The following CNTNAP2 variants were observed in gnomAD, a reference collection of about 807,000 sequenced individuals.
The protein encoded by CNTNAP2 is contactin associated protein 2.
CNTNAP2 carries 98 observed loss-of-function variants against 155.2 expected under a neutral mutation model. The observed-to-expected ratio is 0.63, with a 90% CI of 0.54 to 0.75. CNTNAP2 has a LOEUF of 0.75. CNTNAP2 is among the 30% of genes least tolerant of loss of function. The pLI, the probability that CNTNAP2 is intolerant of heterozygous loss-of-function variation, is 0.00. For synonymous variants in CNTNAP2, 651 were observed against 631.2 expected, an observed-to-expected ratio of 1.03 and a Z score of -0.47; for missense variants, 1,727 against 1,688.1, an observed-to-expected ratio of 1.02 and a Z score of -0.40.
chr7:146,886,194 G>A (rs547632164), intron 3 of CNTNAP2, among the ~76,000 whole-genome samples: 27 of 148,576 alleles, frequency 1.8e-4, no homozygotes, highest in African/African-American at 6.7e-4. Flanking sequence ...GTTTTATTTT[G>A]GTAATTACTT....
chr7:148,001,106 A>G (rs962850598), intron 15 of CNTNAP2, among the ~76,000 whole-genome samples: 7 of 152,196 alleles, frequency 4.6e-5, no homozygotes, highest in African/African-American at 1.4e-4. Context: ...CCTTAGCTTA[A>G]TTACATCTGC....
At chr7:146,831,956 G>A (rs182093047) in intron 2 of CNTNAP2, among the ~76,000 whole-genome samples, 1 of 152,002 alleles carries the variant, frequency 6.6e-6, no homozygotes, top group East Asian at 1.9e-4. Flanking sequence ...TTAATTTATC[G>A]ATATTTTAGG....
intron 1 of CNTNAP2, among the ~76,000 whole-genome samples, chr7:146,593,421 G>A (rs1017340228): frequency 3.3e-5 from 5 of 151,976 alleles, no homozygotes; most frequent in East Asian, 1.9e-4. Context: ...AGAGAAACAC[G>A]TATAAATGTA....
chr7:148,197,758 G>A (rs952144475), intron 18 of CNTNAP2, among the ~76,000 whole-genome samples: 6 of 152,166 alleles, frequency 3.9e-5, no homozygotes, highest in African/African-American at 1.2e-4. Context: ...GATCATCATC[G>A]TGTTGCTAAA....
chr7:147,428,767 T>C (rs1797421291), intron 10 of CNTNAP2, among the ~76,000 whole-genome samples: 1 of 152,128 alleles, frequency 6.6e-6, no homozygotes, highest in African/African-American at 2.4e-5. Flanking sequence ...CTTCTAAGGT[T>C]GTGATTTTGT....
chr7:148,283,254 AAAAAGAAAGAAAGAAAG>A (rs1279920936), intron 21 of CNTNAP2, among the ~76,000 whole-genome samples: 1 of 64,042 alleles, frequency 1.6e-5, no homozygotes, highest in African/African-American at 5.7e-5. Flanking sequence ...AAAAAAAAAA[AAAAAGAAAGAAAGAAAG>A]AAAGAAAGAA....
chr7:147,279,768 T>C (rs1172171929), intron 8 of CNTNAP2, among the ~76,000 whole-genome samples: 1 of 151,888 alleles, frequency 6.6e-6, no homozygotes, highest in Non-Finnish European at 1.5e-5. Context: ...CTTGAACCAA[T>C]GTAAACGCTA....
intron 13 of CNTNAP2, among the ~76,000 whole-genome samples, chr7:147,816,498 T>C (rs1255821141): frequency 1.3e-5 from 2 of 152,154 alleles, no homozygotes; most frequent in African/African-American, 2.4e-5. Context: ...GATTTGAGAT[T>C]GGAATTATTC....
At chr7:146,260,109 C>T (rs545126912) in intron 1 of CNTNAP2, among the ~76,000 whole-genome samples, 1 of 152,168 alleles carries the variant, frequency 6.6e-6, no homozygotes, top group African/African-American at 2.4e-5. Flanking sequence ...GGTGCAAGCC[C>T]CAAGCCTTGG....
At chr7:148,208,766 C>T (rs2116741981) in intron 18 of CNTNAP2, among the ~76,000 whole-genome samples, 1 of 152,252 alleles carries the variant, frequency 6.6e-6, no homozygotes, top group East Asian at 1.9e-4. Flanking sequence ...TTGGGAAAAT[C>T]TAACTGGACC....
At chr7:147,896,930 C>T (rs901363883) in intron 13 of CNTNAP2, 1 of 152,138 alleles carries the variant, frequency 6.6e-6, no homozygotes, top group African/African-American at 2.4e-5. Context: ...ATAAGGACAG[C>T]AAGGAGGTTA....
At chr7:148,363,134 A>G (rs1165995513) in intron 21 of CNTNAP2, among the ~76,000 whole-genome samples, 4 of 152,160 alleles carry the variant, frequency 2.6e-5, no homozygotes, top group African/African-American at 9.7e-5. Flanking sequence ...GGCATGTGCC[A>G]CCACACCTGG....
intron 21 of CNTNAP2, among the ~76,000 whole-genome samples, chr7:148,348,094 C>G (rs575332902): frequency 6.6e-6 from 1 of 152,278 alleles, no homozygotes; most frequent in East Asian, 1.9e-4. Flanking sequence ...CCCCCTCTTC[C>G]CTAAGCTCTT....
At chr7:147,929,509 A>G (rs1303741474) in intron 14 of CNTNAP2, among the ~76,000 whole-genome samples, 4 of 152,232 alleles carry the variant, frequency 2.6e-5, no homozygotes, top group African/African-American at 7.2e-5. Flanking sequence ...ATATTTAAAG[A>G]TATGAAAGGT....
At chr7:146,512,505 C>CT (rs201856105) in intron 1 of CNTNAP2, among the ~76,000 whole-genome samples, 4,234 of 143,120 alleles carry the variant, frequency 0.03, 195 homozygotes, top group African/African-American at 0.1. Flanking sequence ...TCTCTTGTTT[C>CT]TTTTTTTTTT....
intron 1 of CNTNAP2, among the ~76,000 whole-genome samples, chr7:146,684,260 T>A (rs935689610): frequency 7.9e-5 from 12 of 152,172 alleles, no homozygotes; most frequent in African/African-American, 2.9e-4. Flanking sequence ...ACAAACCAGC[T>A]GAAGAACTCA....
intron 9 of CNTNAP2, among the ~76,000 whole-genome samples, chr7:147,346,146 TTA>T (rs1322549988): frequency 0.01 from 428 of 41,538 alleles, 7 homozygotes; most frequent in African/African-American, 0.077. Flanking sequence ...TTATTTTATT[TTA>T]TTTTATTTTT....
chr7:148,165,646 T>C (rs1183270292), intron 17 of CNTNAP2, among the ~76,000 whole-genome samples: 1 of 152,162 alleles, frequency 6.6e-6, no homozygotes, highest in African/African-American at 2.4e-5. Context: ...ATAAGGAGAC[T>C]GAGGCCCAAA....
At chr7:148,097,329 C>T (rs549710747) in intron 15 of CNTNAP2, among the ~76,000 whole-genome samples, 2 of 108,150 alleles carry the variant, frequency 1.8e-5, no homozygotes, top group South Asian at 3.0e-4. Flanking sequence ...AAATTCAGCT[C>T]GTGTCATTTG....
Sources: allele counts gnomAD v4.1 joint callset (sites outside exome capture counted in the v4.1 genomes callset), GRCh38; gene constraint gnomAD v4.1.1; transcripts MANE v1.5; gene names NCBI Gene and HGNC (gene_info 2026-07-23, HGNC 2026-07-21).